EPHA5: variants seen among roughly 807,000 people sequenced by gnomAD.
EPHA5 encodes the protein ephrin type-A receptor 5.
EPHA5 carries 60 observed loss-of-function variants against 105.0 expected under a neutral mutation model. That is an observed-to-expected ratio of 0.57 (90% CI 0.46 to 0.71). The LOEUF (loss-of-function observed/expected upper bound fraction) is 0.71. Ranked by LOEUF, EPHA5 falls within the 30% of genes least tolerant of loss-of-function variation. The pLI is 0.00. For synonymous variants in EPHA5, 513 were observed against 449.1 expected (o/e 1.14, Z -1.80); for missense variants, 1,218 against 1,274.7 (o/e 0.96, Z 0.68).
intron 3 of EPHA5, among the ~76,000 whole-genome samples, chr4:65,580,753 G>A (rs1257344218): frequency 6.6e-6 from 1 of 150,808 alleles, no homozygotes; most frequent in Non-Finnish European, 1.5e-5. Context: ...TTATCAGCCT[G>A]GAGATGGCAC....
intron 3 of EPHA5, among the ~76,000 whole-genome samples, chr4:65,599,762 A>G (rs1743530818): frequency 6.6e-6 from 1 of 152,220 alleles, no homozygotes; most frequent in Non-Finnish European, 1.5e-5. Context: ...TCCATCAATT[A>G]AGGTTCTACT....
intron 2 of EPHA5, among the ~76,000 whole-genome samples, chr4:65,608,792 T>C (rs1469647390): frequency 1.3e-5 from 2 of 152,178 alleles, no homozygotes; most frequent in Non-Finnish European, 2.9e-5. Flanking sequence ...TTTTTGCAGA[T>C]GAGTAAACTG....
At chr4:65,401,307 T>C (rs555626505) in intron 8 of EPHA5, among the ~76,000 whole-genome samples, 18 of 152,200 alleles carry the variant, frequency 1.2e-4, no homozygotes, top group African/African-American at 4.3e-4. Flanking sequence ...GTGAGTTATA[T>C]TTAATGGGTC....
intron 5 of EPHA5, among the ~76,000 whole-genome samples, chr4:65,475,317 A>G (rs1729687740): frequency 1.3e-5 from 2 of 152,202 alleles, no homozygotes; most frequent in Non-Finnish European, 2.9e-5. Context: ...TCATGTGTGA[A>G]TGCATGGCAA....
intron 3 of EPHA5, among the ~76,000 whole-genome samples, chr4:65,510,703 T>G (rs1733535250): frequency 6.6e-6 from 1 of 152,172 alleles, no homozygotes; most frequent in Non-Finnish European, 1.5e-5. Flanking sequence ...TCATTGAGTT[T>G]TAGCTGCCTT....
At chr4:65,607,623 C>T (rs996644128) in intron 2 of EPHA5, among the ~76,000 whole-genome samples, 4 of 152,140 alleles carry the variant, frequency 2.6e-5, no homozygotes, top group Non-Finnish European at 5.9e-5. Context: ...AAATCAAAAC[C>T]ACAGTGAGTT....
In EPHA5 at chr4:65,322,442, A is replaced by G. The variant is rs184068208; in HGVS notation, c.*1672T>C. 2.5e-3 allele frequency: 572 copies of G among 226,098 alleles called. 1 individual carries two copies. The highest frequency in any genetic ancestry group is 0.012 in the African/African-American group (550 of 45,036). 14.0% of individuals were successfully genotyped at this position (226,098 alleles called of 1,614,324 possible). ...TTCTCTGATCTACTGTACTATTAAC[A>G]TTGATAATCATGAGTAGGCTGTATT... On this transcript the variant is annotated 3_prime_UTR_variant, in exon 17 of 17. Coordinates refer to ENST00000613740, the MANE Select transcript of EPHA5 (RefSeq NM_001281766.3).
intron 2 of EPHA5, among the ~76,000 whole-genome samples, chr4:65,618,755 A>G (rs576899402): frequency 3.2e-4 from 48 of 152,336 alleles, no homozygotes; most frequent in African/African-American, 1.1e-3. Flanking sequence ...AATTCTGTTA[A>G]GTTCCCATTG....
intron 5 of EPHA5, among the ~76,000 whole-genome samples, chr4:65,489,388 C>T (rs1305003907): frequency 4.6e-5 from 7 of 152,120 alleles, no homozygotes; most frequent in Non-Finnish European, 1.0e-4. Flanking sequence ...TCAAACATGT[C>T]CTATTTCTTT....
intron 5 of EPHA5, among the ~76,000 whole-genome samples, chr4:65,487,601 C>A (rs1370726285): frequency 6.6e-6 from 1 of 152,164 alleles, no homozygotes; most frequent in Non-Finnish European, 1.5e-5. Context: ...ATACAGAACA[C>A]TTAAACTGGC....
intron 3 of EPHA5, among the ~76,000 whole-genome samples, chr4:65,553,103 A>G: frequency 6.6e-6 from 1 of 152,078 alleles, no homozygotes; most frequent in East Asian, 1.9e-4. Context: ...TATTAATAAA[A>G]TTAATACTTC....
chr4:65,551,749 A>G (rs759422044), intron 3 of EPHA5, among the ~76,000 whole-genome samples: 2 of 152,174 alleles, frequency 1.3e-5, no homozygotes, highest in Non-Finnish European at 2.9e-5. Flanking sequence ...CTGTTTACTC[A>G]TGTGTTACAC....
At chr4:65,369,578 T>C (rs949149854) in intron 8 of EPHA5, among the ~76,000 whole-genome samples, 1 of 152,130 alleles carries the variant, frequency 6.6e-6, no homozygotes, top group African/African-American at 2.4e-5. Context: ...ATTTTGATAT[T>C]AAGGGAATAT....
chr4:65,465,916 C>A (rs1728674577), intron 5 of EPHA5, among the ~76,000 whole-genome samples: 1 of 152,188 alleles, frequency 6.6e-6, no homozygotes, highest in African/African-American at 2.4e-5. Context: ...ACACACAATT[C>A]TTGGCATTTG....
intron 3 of EPHA5, among the ~76,000 whole-genome samples, chr4:65,567,872 A>C (rs1739715036): frequency 6.6e-6 from 1 of 151,516 alleles, no homozygotes; most frequent in Admixed American, 6.6e-5. Context: ...GTCATCCTTT[A>C]GTCTGATCCT....
intron 6 of EPHA5, among the ~76,000 whole-genome samples, chr4:65,418,045 TTA>T (rs1723562453): frequency 6.6e-6 from 1 of 152,162 alleles, no homozygotes; most frequent in Non-Finnish European, 1.5e-5. Flanking sequence ...TGTTAAACTT[TTA>T]GTCTCCCAGC....
rs1731321562 is a variant in EPHA5 at position 65,490,699 on chromosome 4, A to G, written c.1080T>C (p.Ala360=). ...PTMACTRPPS[A]PRNAISNVNE... ...TAACATTTGAGATGGCATTCCGAGGAGCAGAGGGGGGTCCTGGTTTACAAA... is the reference window on the plus strand; with the variant it reads ...TAACATTTGAGATGGCATTCCGAGGGGCAGAGGGGGGTCCTGGTTTACAAA... The change falls in exon 5 of 17, where the codon GCT becomes GCC. Residue 360 remains alanine, a synonymous_variant. Coordinates refer to ENST00000613740, the MANE Select transcript of EPHA5 (RefSeq NM_001281766.3). The G allele has an allele frequency of 1.2e-6, 2 of 1,613,468 alleles. No homozygotes were observed. Among genetic ancestry groups the G allele is most frequent in the Admixed American group, 3.3e-5 (2 of 60,004 alleles).
At chr4:65,605,702 G>A (rs549493341) in intron 2 of EPHA5, among the ~76,000 whole-genome samples, 1 of 152,094 alleles carries the variant, frequency 6.6e-6, no homozygotes, top group East Asian at 1.9e-4. Flanking sequence ...AAGAAACTTT[G>A]GAGTAGACAT....
intron 16 of EPHA5, chr4:65,330,765 T>C (rs1176871377): frequency 9.8e-7 from 1 of 1,022,556 alleles, no homozygotes; most frequent in Non-Finnish European, 1.2e-6. Flanking sequence ...ATAGCACAAA[T>C]GGGTTCCTTG....
Sources: allele counts gnomAD v4.1 joint callset (sites outside exome capture counted in the v4.1 genomes callset), GRCh38; gene constraint gnomAD v4.1.1; transcripts MANE v1.5; gene names NCBI Gene and HGNC (gene_info 2026-07-23, HGNC 2026-07-21).